The following ROBO2 variants were observed in gnomAD, a reference collection of about 807,000 sequenced individuals.
ROBO2 encodes the protein roundabout guidance receptor 2, also known as roundabout homolog 2.
ROBO2 carries 53 observed loss-of-function variants against 160.8 expected under a neutral mutation model. That is an observed-to-expected ratio of 0.33 (90% CI 0.26 to 0.41). The LOEUF (loss-of-function observed/expected upper bound fraction) is 0.41. ROBO2 is among the 10% of genes least tolerant of loss of function. The pLI is 1.00. For synonymous variants in ROBO2, 664 were observed against 611.7 expected, an observed-to-expected ratio of 1.09 and a Z score of -1.26; for missense variants, 1,577 against 1,722.4, an observed-to-expected ratio of 0.92 and a Z score of 1.49.
chr3:77,433,053 G>A (rs1054102526), intron 2 of ROBO2, among the ~76,000 whole-genome samples: 2 of 152,042 alleles, frequency 1.3e-5, no homozygotes, highest in African/African-American at 2.4e-5. Flanking sequence ...GACAATTGTC[G>A]GACTAGTGAT....
chr3:76,065,800 G>A (rs2068235911), intron 2 of ROBO2, among the ~76,000 whole-genome samples: 2 of 149,180 alleles, frequency 1.3e-5, no homozygotes, highest in Admixed American at 1.3e-4. Context: ...CTTTTACTTA[G>A]ACATGTTGAT....
intron 2 of ROBO2, among the ~76,000 whole-genome samples, chr3:76,995,320 G>C (rs2060934580): frequency 6.6e-6 from 1 of 152,106 alleles, no homozygotes; most frequent in Non-Finnish European, 1.5e-5. Context: ...TGGTGTATAT[G>C]TGCCACAATT....
chr3:76,192,540 A>C (rs1021526172), intron 2 of ROBO2, among the ~76,000 whole-genome samples: 6 of 149,350 alleles, frequency 4.0e-5, no homozygotes, highest in African/African-American at 1.5e-4. Flanking sequence ...ACACACACAC[A>C]CACACACACA....
intron 2 of ROBO2, among the ~76,000 whole-genome samples, chr3:77,303,804 T>A (rs559368558): frequency 1.2e-4 from 19 of 152,028 alleles, no homozygotes; most frequent in Non-Finnish European, 1.6e-4. Flanking sequence ...TATACATATA[T>A]ATACATATAT....
chr3:76,085,102 CAT>C (rs67886090), intron 2 of ROBO2, among the ~76,000 whole-genome samples: 28,959 of 148,668 alleles, frequency 0.19, 3,379 homozygotes, highest in African/African-American at 0.33. Flanking sequence ...CCCCAGTTTA[CAT>C]ATATATATAT....
intron 2 of ROBO2, among the ~76,000 whole-genome samples, chr3:76,949,580 C>T (rs969995835): frequency 6.6e-6 from 1 of 152,274 alleles, no homozygotes; most frequent in East Asian, 1.9e-4. Flanking sequence ...TGTCCACGTC[C>T]GACCGGCTTC....
chr3:77,112,193 CAAAAAAAAAAAAA>C (rs373201643), intron 2 of ROBO2, among the ~76,000 whole-genome samples: 29,353 of 69,186 alleles, frequency 0.42, 4,621 homozygotes, highest in Middle Eastern at 0.54. Context: ...AGACTCGTCT[CAAAAAAAAAAAAA>C]AAAAAAAAAA....
chr3:76,731,443 C>T (rs774610), intron 2 of ROBO2, among the ~76,000 whole-genome samples: 28,170 of 151,934 alleles, frequency 0.19, 2,735 homozygotes, highest in Non-Finnish European at 0.22. Flanking sequence ...GACCATATCC[C>T]GCTTTTTGAC....
At chr3:76,764,523 C>G (rs928533841) in intron 2 of ROBO2, among the ~76,000 whole-genome samples, 1 of 151,618 alleles carries the variant, frequency 6.6e-6, no homozygotes, top group African/African-American at 2.4e-5. Context: ...AACTCTTGAC[C>G]ATGATTAAAA....
intron 2 of ROBO2, among the ~76,000 whole-genome samples, chr3:77,332,073 T>G (rs1237414821): frequency 1.3e-5 from 2 of 152,192 alleles, no homozygotes; most frequent in Non-Finnish European, 2.9e-5. Flanking sequence ...TAGTCTGTAC[T>G]TAAAAACTCT....
intron 2 of ROBO2, among the ~76,000 whole-genome samples, chr3:76,345,441 CT>C (rs5850253): frequency 0.72 from 95,909 of 133,190 alleles, 36,798 homozygotes; most frequent in Non-Finnish European, 0.87. Context: ...TCTTTTCTTT[CT>C]TTTTTTTTTT....
At chr3:76,266,158 T>G (rs1459122926) in intron 2 of ROBO2, among the ~76,000 whole-genome samples, 4 of 152,196 alleles carry the variant, frequency 2.6e-5, no homozygotes, top group African/African-American at 4.8e-5. Context: ...TATATCACAT[T>G]TATTGATTTG....
chr3:76,739,435 A>G lies in ROBO2; in HGVS notation c.110-358579A>G, dbSNP rs894237603. 4.3e-4 allele frequency among the ~76,000 whole-genome samples: 63 copies of G among 145,700 alleles called. 1 individual carries two copies. The highest frequency in any genetic ancestry group is 1.6e-3 in the African/African-American group (62 of 39,924). Reference sequence around the variant, plus strand: ...CGTAGATGGGAATTGAACAATGAGAACACATGGACACAAGAAGGGGAACAT... The same window carrying G: ...CGTAGATGGGAATTGAACAATGAGAGCACATGGACACAAGAAGGGGAACAT... On this transcript the variant is annotated intron_variant, in intron 2 of 26. Transcript: ENST00000487694.
chr3:77,022,191 G>A (rs1184776303), intron 2 of ROBO2, among the ~76,000 whole-genome samples: 3 of 152,176 alleles, frequency 2.0e-5, no homozygotes, highest in South Asian at 2.1e-4. Context: ...CCAACATGGC[G>A]AAATCTCGTC....
At chr3:76,060,734 C>G (rs2068045436) in intron 2 of ROBO2, among the ~76,000 whole-genome samples, 1 of 152,144 alleles carries the variant, frequency 6.6e-6, no homozygotes, top group African/African-American at 2.4e-5. Flanking sequence ...TGAATTTTTT[C>G]AAGTCAGGAA....
At chr3:76,382,934 A>C (rs926120677) in intron 2 of ROBO2, among the ~76,000 whole-genome samples, 5 of 152,206 alleles carry the variant, frequency 3.3e-5, no homozygotes, top group African/African-American at 1.2e-4. Context: ...GGATTCTGTC[A>C]GTGAGATTCA....
intron 2 of ROBO2, among the ~76,000 whole-genome samples, chr3:76,883,141 A>T (rs910259488): frequency 1.3e-5 from 2 of 152,130 alleles, no homozygotes; most frequent in African/African-American, 4.8e-5. Flanking sequence ...TAACTATTTT[A>T]ATTACTAAAA....
chr3:76,618,434 A>C (rs890839574), intron 2 of ROBO2, among the ~76,000 whole-genome samples: 2 of 150,472 alleles, frequency 1.3e-5, no homozygotes, highest in Non-Finnish European at 2.9e-5. Flanking sequence ...CATAGGAAAT[A>C]GGATATATAT....
At chr3:77,080,517 A>G (rs1187068875) in intron 1 of ROBO2, among the ~76,000 whole-genome samples, 1 of 152,214 alleles carries the variant, frequency 6.6e-6, no homozygotes, top group African/African-American at 2.4e-5. Context: ...TTGACAGTCC[A>G]TCTGCGAAGG....
Sources: gnomAD v4.1 joint callset for allele counts (sites outside exome capture counted in the v4.1 genomes callset) on GRCh38, gnomAD v4.1.1 for gene constraint, MANE v1.5 for transcripts, NCBI Gene and HGNC (gene_info 2026-07-23, HGNC 2026-07-21) for gene names.